The following LRP2 variants were observed in gnomAD, a reference collection of about 807,000 sequenced individuals.
LRP2 encodes low-density lipoprotein receptor-related protein 2.
In LRP2, 172 loss-of-function variants were observed where a neutral mutation model predicts 531.0. That is an observed-to-expected ratio of 0.32 (90% CI 0.29 to 0.37). The LOEUF (loss-of-function observed/expected upper bound fraction) is 0.37. Among genes scored for constraint, LRP2 ranks in the 10% least tolerant of loss-of-function variants. The probability of loss-of-function intolerance (pLI) is 1.00; values close to 1 mark genes in which losing one functional copy is unlikely to be tolerated. For missense variants in LRP2, 5,167 were observed against 5,868.3 expected (o/e 0.88, Z 3.90); for synonymous variants, 1,992 against 2,027.6 (o/e 0.98, Z 0.47).
rs1347473904 is a variant in LRP2, at chr2:169,202,874, A to G, written c.8091T>C (p.Gly2697=). 1 of 1,614,176 alleles carries G rather than the reference A, an allele frequency of 6.2e-7. No homozygotes were observed. The highest frequency in any genetic ancestry group is 1.7e-5 in the Admixed American group (1 of 60,022). The change falls in exon 43 of 79, where the codon GGT becomes GGC. Residue 2697 remains glycine, a synonymous_variant. Transcript: ENST00000649046. ...NNRKHCIVDN[G]ERCGASSFTC... is the part of the protein sequence containing the mutation. ...TGAAGGAAGATGCACCACATCGTTC[A>G]CCATTGTCCACAATGCAGTGCTTCC...
chr2:169,205,385 G>T, intron 41 of LRP2, 94 bp downstream of exon 41: 1 of 1,333,184 alleles, frequency 7.5e-7, no homozygotes, highest in Non-Finnish European at 1.1e-6. Flanking sequence ...TATCTGGCAT[G>T]CTATATTTTC....
intron 13 of LRP2, among the ~76,000 whole-genome samples, chr2:169,275,738 T>C (rs2105444575): frequency 6.6e-6 from 1 of 152,122 alleles, no homozygotes; most frequent in South Asian, 2.1e-4. Flanking sequence ...CCCACATCTG[T>C]TCCTGATGTC....
rs188665445 is a variant in LRP2 at position 169,319,083 on chromosome 2, C to G, written c.188-199G>C. ...AATAAGCTCAGCAACAGCATCACAACAAACTCATGAACCAAAGCAACTTAA... is the reference window on the plus strand; with the variant it reads ...AATAAGCTCAGCAACAGCATCACAAGAAACTCATGAACCAAAGCAACTTAA... On this transcript the variant is annotated intron_variant, in intron 2 of 78. Transcript: ENST00000649046. Among the ~76,000 whole-genome samples the G allele has an allele frequency of 2.2e-3, 339 of 152,330 alleles. 1 individual carries two copies. The highest frequency in any genetic ancestry group is 7.8e-3 in the African/African-American group (323 of 41,576).
intron 34 of LRP2, among the ~76,000 whole-genome samples, chr2:169,217,649 C>T (rs1032135291): frequency 6.6e-6 from 1 of 152,030 alleles, no homozygotes; most frequent in Non-Finnish European, 1.5e-5. Context: ...ACAAAACTTT[C>T]GTGAATTCTG....
chr2:169,183,386 A>AT (rs1687511092), intron 50 of LRP2, among the ~76,000 whole-genome samples: 2 of 152,236 alleles, frequency 1.3e-5, no homozygotes, highest in Non-Finnish European at 2.9e-5. Context: ...GGATTCCATC[A>AT]TGGTAGACAC....
At chr2:169,283,055 ACT>A in intron 9 of LRP2, 54 bp from the exon 10 acceptor site, 1 of 1,592,882 alleles carries the variant, frequency 6.3e-7, no homozygotes, top group Non-Finnish European at 8.6e-7. Context: ...TTTATTAAGC[ACT>A]CTCTGACAAA....
chr2:169,241,766 CT>C (rs1354036986), intron 24 of LRP2, among the ~76,000 whole-genome samples: 2 of 152,194 alleles, frequency 1.3e-5, no homozygotes, highest in Admixed American at 6.5e-5. Flanking sequence ...TTACTTTGAA[CT>C]TCATGTGTTT....
chr2:169,257,819 C>CAAAACAAAAAAAAAAA (rs1690368144), intron 17 of LRP2, among the ~76,000 whole-genome samples: 1 of 90,834 alleles, frequency 1.1e-5, no homozygotes, highest in African/African-American at 5.2e-5. Flanking sequence ...CAAAAAAAAA[C>CAAAACAAAAAAAAAAA]AAAAACAAAA....
chr2:169,135,167 C>T (rs1685452434), intron 76 of LRP2, among the ~76,000 whole-genome samples: 1 of 152,194 alleles, frequency 6.6e-6, no homozygotes, highest in African/African-American at 2.4e-5. Flanking sequence ...CCTCTCATTT[C>T]CTTTCCATTG....
At chr2:169,330,061 A>G (rs1685224853) in intron 1 of LRP2, among the ~76,000 whole-genome samples, 1 of 152,156 alleles carries the variant, frequency 6.6e-6, no homozygotes. Flanking sequence ...CTGAGGTGAA[A>G]CAGTGTCATC....
Position 169,307,315 on chromosome 2 carries a change from T to A in LRP2, c.393A>T (p.Arg131Ser), listed in dbSNP as rs945121597. The A allele has an allele frequency of 6.2e-7, 1 of 1,613,838 alleles. No individual in the cohort carries two copies. The highest frequency in any genetic ancestry group is 1.3e-5 in the African/African-American group (1 of 74,922). Residue 131 changes from arginine to serine, a missense_variant, in exon 4 of 79, where the codon AGA becomes AGT. Coordinates refer to ENST00000649046, the MANE Select transcript of LRP2 (RefSeq NM_004525.3). ...IPSEYRCDHV[R>S]DCPDGADEND... The stretch of plus-strand genomic sequence containing the variant: ...TCTCATCAGCTCCATCGGGGCAGTC[T>A]CTGACGTGGTCGCACCTGTATTCAC...
chr2:169,290,203 AT>A (rs1356356776), intron 8 of LRP2, among the ~76,000 whole-genome samples: 1 of 144,574 alleles, frequency 6.9e-6, no homozygotes, highest in African/African-American at 2.5e-5. Flanking sequence ...AACACTGTGC[AT>A]GGCCAACTCA....
rs761993567 is a variant in LRP2, at chr2:169,257,124, G to A, written c.2639C>T (p.Ala880Val). The change falls in exon 18 of 79, where the codon GCT becomes GTT. Residue 880 changes from alanine (A) to valine (V), a missense_variant and splice_region_variant. Around this residue, in one of 6 missense-constraint regions of LRP2, gnomAD observed 2,811 missense variants for 3,058.0 expected, o/e 0.92. Coordinates refer to ENST00000649046, the MANE Select transcript of LRP2 (RefSeq NM_004525.3). The stretch of plus-strand genomic sequence containing the variant: ...ATCGGGGATGATGATTCCTACTTAC[G>A]CCCAATCGATGGCCAAGCCATTGGG... The part of the protein sequence containing the change: ...GWPNGLAIDW[A>V]ASRLYWVDAY... The A allele has an allele frequency of 4.2e-5, 67 of 1,612,248 alleles. No individual in the cohort carries two copies. Among genetic ancestry groups the A allele is most frequent in the Admixed American group, 6.7e-5 (4 of 59,830 alleles).
intron 6 of LRP2, among the ~76,000 whole-genome samples, chr2:169,293,550 C>T (rs1259436566): frequency 2.0e-5 from 3 of 152,152 alleles, no homozygotes; most frequent in Non-Finnish European, 4.4e-5. Flanking sequence ...TGGTGCATGC[C>T]TGTGATCCCA....
At position 169,340,766 on chromosome 2, in the gene LRP2, T is replaced by A. The variant is rs1177084171; in HGVS notation, c.80-19882A>T. Among the ~76,000 whole-genome samples the A allele has an allele frequency of 2.0e-5, 3 of 152,172 alleles. No individual in the cohort carries two copies. The East Asian group carries it at 5.8e-4, about 29-fold the overall frequency. ...AGAGAGAATTAAATGTTTGTCTTGT[T>A]CAAGCCAAACAAAATCCTCTCTGCG... On this transcript the variant is annotated intron_variant, in intron 1 of 78. Transcript: ENST00000649046.
intron 1 of LRP2, among the ~76,000 whole-genome samples, chr2:169,329,243 G>A (rs770730686): frequency 2.2e-4 from 33 of 152,160 alleles, no homozygotes; most frequent in Non-Finnish European, 4.3e-4. Context: ...TTGTGTGTAG[G>A]GTCAAAACAA....
At chr2:169,190,389 G>A (rs570241717) in intron 48 of LRP2, among the ~76,000 whole-genome samples, 19 of 152,298 alleles carry the variant, frequency 1.2e-4, no homozygotes, top group African/African-American at 4.6e-4. Flanking sequence ...CCCACAGAGT[G>A]TATTTTCCTG....
At chr2:169,311,251 T>C (rs1227704730) in intron 3 of LRP2, among the ~76,000 whole-genome samples, 1 of 152,226 alleles carries the variant, frequency 6.6e-6, no homozygotes, top group East Asian at 1.9e-4. Flanking sequence ...AGCTTTTGAA[T>C]GTGTTTGCTC....
intron 3 of LRP2, among the ~76,000 whole-genome samples, chr2:169,313,424 C>T (rs183033393): frequency 9.5e-4 from 144 of 152,010 alleles, no homozygotes; most frequent in African/African-American, 3.3e-3. Flanking sequence ...AGTTTTCCTT[C>T]TAACCATCAG....
Sources: allele counts gnomAD v4.1 joint callset (sites outside exome capture counted in the v4.1 genomes callset), GRCh38; gene constraint gnomAD v4.1.1; regional missense constraint gnomAD v4.1.1; transcripts MANE v1.5; gene names NCBI Gene and HGNC (gene_info 2026-07-23, HGNC 2026-07-21).